The following EML6 variants were observed in gnomAD, a reference collection of about 807,000 sequenced individuals.
EML6 encodes echinoderm microtubule-associated protein-like 6.
A neutral mutation model predicts 240.1 loss-of-function variants in EML6; 154 were observed. The observed-to-expected ratio is 0.64, with a 90% CI of 0.56 to 0.73. EML6 has a LOEUF of 0.73. EML6 is among the 30% of genes least tolerant of loss of function. The pLI is 0.00. For missense variants in EML6, 2,964 were observed against 2,474.6 expected (o/e 1.20, Z -4.20); for synonymous variants, 1,148 against 899.0 (o/e 1.28, Z -4.95).
chr2:54,876,437 G>GT (rs1671511159), intron 16 of EML6, among the ~76,000 whole-genome samples: 1 of 152,152 alleles, frequency 6.6e-6, no homozygotes, highest in Admixed American at 6.5e-5. Context: ...TAGAAAGGTG[G>GT]TATAACAGTG....
At chr2:54,954,277 C>A in intron 32 of EML6, 121 bp downstream of exon 32, 1 of 885,894 alleles carries the variant, frequency 1.1e-6, no homozygotes, top group Non-Finnish European at 1.7e-6. Context: ...TGCTGCTGGG[C>A]AAGTGGAAAA....
chr2:54,845,719 C>T (rs967605297), intron 8 of EML6, among the ~76,000 whole-genome samples: 1 of 152,166 alleles, frequency 6.6e-6, no homozygotes, highest in African/African-American at 2.4e-5. Flanking sequence ...AGAACATACT[C>T]AGCTTGAGGC....
At chr2:54,931,060 C>G (rs1284658535) in intron 28 of EML6, among the ~76,000 whole-genome samples, 1 of 151,468 alleles carries the variant, frequency 6.6e-6, no homozygotes, top group Non-Finnish European at 1.5e-5. Flanking sequence ...CGGGTTCACG[C>G]CATTCTCCTG....
chr2:54,902,784 A>C (rs181947762), intron 22 of EML6, among the ~76,000 whole-genome samples: 2 of 152,334 alleles, frequency 1.3e-5, no homozygotes, highest in East Asian at 3.9e-4. Flanking sequence ...AATGTGGCCC[A>C]GACTGGTCTC....
intron 2 of EML6, among the ~76,000 whole-genome samples, chr2:54,734,527 TG>T (rs1300147557): frequency 6.6e-6 from 1 of 152,144 alleles, no homozygotes; most frequent in Non-Finnish European, 1.5e-5. Flanking sequence ...CCTGCTGGTC[TG>T]GTGTCAGGGG....
chr2:54,747,529 T>C (rs914424420), intron 2 of EML6: 3 of 152,226 alleles, frequency 2.0e-5, no homozygotes, highest in African/African-American at 7.2e-5. Context: ...TTAACTTATA[T>C]ATTCTTTGGT....
At chr2:54,891,436 T>A (rs1295900134) in intron 18 of EML6, among the ~76,000 whole-genome samples, 1 of 152,212 alleles carries the variant, frequency 6.6e-6, no homozygotes, top group Non-Finnish European at 1.5e-5. Context: ...AGTAATTATG[T>A]TAGACTACTG....
chr2:54,897,395 T>C (rs957604616), intron 21 of EML6, among the ~76,000 whole-genome samples: 4 of 152,212 alleles, frequency 2.6e-5, no homozygotes, highest in Non-Finnish European at 4.4e-5. Flanking sequence ...TGTCAGGCAA[T>C]ACCGTTGTAC....
intron 22 of EML6, among the ~76,000 whole-genome samples, chr2:54,901,015 C>T (rs972584890): frequency 3.3e-5 from 5 of 152,026 alleles, no homozygotes; most frequent in Admixed American, 2.0e-4. Context: ...GGATTGTATT[C>T]TAGGGTAATA....
At chr2:54,760,401 C>T (rs1487120063) in intron 2 of EML6, among the ~76,000 whole-genome samples, 2 of 152,020 alleles carry the variant, frequency 1.3e-5, no homozygotes, top group East Asian at 3.9e-4. Context: ...CATAAATTCC[C>T]CTATTGACAG....
intron 34 of EML6, among the ~76,000 whole-genome samples, chr2:54,959,621 G>A (rs1320141105): frequency 1.3e-5 from 2 of 152,126 alleles, no homozygotes; most frequent in African/African-American, 4.8e-5. Context: ...ATTTGGCCGG[G>A]CATGGTGGTG....
intron 2 of EML6, among the ~76,000 whole-genome samples, chr2:54,753,252 T>C (rs1261994595): frequency 2.0e-5 from 3 of 152,258 alleles, no homozygotes; most frequent in Non-Finnish European, 4.4e-5. Flanking sequence ...TTTTATTTTC[T>C]CTGATCATCA....
chr2:54,931,249 G>C (rs1393156441), intron 28 of EML6, among the ~76,000 whole-genome samples: 1 of 152,160 alleles, frequency 6.6e-6, no homozygotes, highest in Non-Finnish European at 1.5e-5. Flanking sequence ...GAGCCACCGC[G>C]CCCGGCGACC....
chr2:54,901,902 A>G (rs928373315), intron 22 of EML6, among the ~76,000 whole-genome samples: 1 of 152,218 alleles, frequency 6.6e-6, no homozygotes, highest in South Asian at 2.1e-4. Flanking sequence ...TGCAAAGTCC[A>G]TGCTCCTGAT....
chr2:54,969,998 A>AGATTGTTTTTTGCCACTTGACAC, intron 41 of EML6, 73 bp from the exon 42 acceptor site: 1 of 1,502,584 alleles, frequency 6.7e-7, no homozygotes, highest in Non-Finnish European at 9.1e-7. Flanking sequence ...GCACTTGGCA[A>AGATTGTTTTTTGCCACTTGACAC]GATTGTTTTT....
At chr2:54,733,998 A>G (rs2104384046) in intron 2 of EML6, among the ~76,000 whole-genome samples, 1 of 152,318 alleles carries the variant, frequency 6.6e-6, no homozygotes, top group Non-Finnish European at 1.5e-5. Flanking sequence ...TGAGTTGAGG[A>G]CAAGAAAAGG....
At chr2:54,785,839 A>G (rs1284280606) in intron 2 of EML6, among the ~76,000 whole-genome samples, 1 of 151,966 alleles carries the variant, frequency 6.6e-6, no homozygotes, top group Non-Finnish European at 1.5e-5. Context: ...ACAAATCTCC[A>G]AAAAAATGTT....
At chr2:54,851,345 G>GGAGGTTGCAGCGAGCT (rs1670076375) in intron 10 of EML6, among the ~76,000 whole-genome samples, 1 of 152,174 alleles carries the variant, frequency 6.6e-6, no homozygotes, top group Admixed American at 6.5e-5. Flanking sequence ...CCCAGGAGGT[G>GGAGGTTGCAGCGAGCT]GAGGTTGCAG....
At chr2:54,782,553 T>C (rs1668897269) in intron 2 of EML6, among the ~76,000 whole-genome samples, 1 of 152,248 alleles carries the variant, frequency 6.6e-6, no homozygotes, top group African/African-American at 2.4e-5. Flanking sequence ...ACATAAACAC[T>C]GATTATCTGT....
Sources: allele counts gnomAD v4.1 joint callset (sites outside exome capture counted in the v4.1 genomes callset), GRCh38; gene constraint gnomAD v4.1.1; transcripts MANE v1.5; gene names NCBI Gene and HGNC (gene_info 2026-07-23, HGNC 2026-07-21).